ATP6V1E2: variants seen among roughly 807,000 people sequenced by gnomAD.
The protein encoded by ATP6V1E2 is V-type proton ATPase subunit E 2.
For synonymous variants in ATP6V1E2, 121 were observed against 104.2 expected (o/e 1.16, Z -0.98); for missense variants, 308 against 273.3 (o/e 1.13, Z -0.90).
At chr2:46,520,753 T>C (rs1392707587) in intron 4 of ATP6V1E2, among the ~76,000 whole-genome samples, 1 of 152,252 alleles carries the variant, frequency 6.6e-6, no homozygotes, top group African/African-American at 2.4e-5. Flanking sequence ...AGGAAACTTC[T>C]TTGAAAATGA....
chr2:46,537,813 C>G (rs964671320), intron 2 of ATP6V1E2, among the ~76,000 whole-genome samples: 1 of 152,056 alleles, frequency 6.6e-6, no homozygotes, highest in African/African-American at 2.4e-5. Context: ...CAAAATGATG[C>G]AAATGAATGT....
Position 46,512,501 on chromosome 2 carries a change from G to C in ATP6V1E2, c.211C>G (p.Leu71Val). The change falls in exon 5 of 5, where the codon CTG (leucine) becomes GTG (valine). Residue 71 changes from leucine to valine, a missense_variant. Leu to Val is a conservative substitution (Grantham distance 32, BLOSUM62 1). Coordinates refer to ENST00000522587, the MANE Select transcript of ATP6V1E2 (RefSeq NM_001318063.2). Reference protein sequence around the residue: ...EKQIEQQKKILMSTMRNQARL... With the variant: ...EKQIEQQKKIVMSTMRNQARL... Reference sequence around the variant, plus strand: ...GCCTGATTCCTCATGGTGGACATCAGGATTTTCTTCTGCTGCTCTATCTGC... The same window carrying C: ...GCCTGATTCCTCATGGTGGACATCACGATTTTCTTCTGCTGCTCTATCTGC... The C allele has an allele frequency of 1.2e-6, 2 of 1,614,166 alleles. No individual in the cohort carries two copies. The highest frequency in any genetic ancestry group is 1.7e-6 in the Non-Finnish European group (2 of 1,180,042).
intron 4 of ATP6V1E2, among the ~76,000 whole-genome samples, chr2:46,522,129 T>A (rs1319987403): frequency 6.7e-6 from 1 of 149,756 alleles, no homozygotes; most frequent in Non-Finnish European, 1.5e-5. Context: ...CTCTACAAAT[T>A]TTTTTTTTTA....
In ATP6V1E2 at chr2:46,535,421, G is replaced by A. The variant is rs568320526; in HGVS notation, c.-102+392C>T. On this transcript the variant is annotated intron_variant, in intron 4 of 4. Coordinates refer to ENST00000522587, the MANE Select transcript of ATP6V1E2 (RefSeq NM_001318063.2). This position sits in a 1 kb window ranked among gnomAD's most constrained non-coding sequence, Gnocchi z 4.4. ...ATTAAACAGAAAGAAATCTTAAAAG[G>A]ATCACAGGCAGGTCACAGGATTTAG... is the stretch of plus-strand genomic sequence containing the variant. 4 of 152,308 alleles carry A rather than the reference G, an allele frequency of 2.6e-5. No homozygotes were observed. In the East Asian group the frequency reaches 7.7e-4, roughly 29 times the overall value. The allele number at this position is 152,308 out of a possible 1,614,324, so 9.4% of individuals were successfully genotyped here.
chr2:46,512,565 T>C lies in ATP6V1E2; in HGVS notation c.147A>G (p.Gln49=). 4 of 1,614,238 alleles carry C rather than the reference T, an allele frequency of 2.5e-6. No individual in the cohort carries two copies. The highest frequency in any genetic ancestry group is 1.1e-5 in the South Asian group (1 of 91,088). Residue 49 remains glutamine (Q), a synonymous_variant, in exon 5 of 5, where the codon CAA becomes CAG. Coordinates refer to ENST00000522587, the MANE Select transcript of ATP6V1E2 (RefSeq NM_001318063.2). The part of the protein sequence containing the change: ...NIEKGRLVQT[Q]RLKIMEYYEK... ...CATAATACTCCATAATCTTCAGTCG[T>C]TGGGTTTGCACGAGGCGTCCTTTCT...
intron 4 of ATP6V1E2, 39 bp from the exon 5 acceptor site, chr2:46,512,851 G>C: frequency 1.4e-6 from 1 of 721,538 alleles, no homozygotes; most frequent in African/African-American, 1.8e-5. Flanking sequence ...GAAAGTCAGA[G>C]GCTATAGAGG....
intron 4 of ATP6V1E2, among the ~76,000 whole-genome samples, chr2:46,516,038 G>C (rs1687697388): frequency 6.6e-6 from 1 of 152,124 alleles, no homozygotes; most frequent in South Asian, 2.1e-4. Context: ...AGCAAGCATT[G>C]ACAGAACCAA....
At position 46,541,456 on chromosome 2, in the gene ATP6V1E2, G is replaced by A. The variant is rs1021351753; in HGVS notation, c.-373-3C>T. On this transcript the variant is annotated splice_polypyrimidine_tract_variant and splice_region_variant and intron_variant, in intron 1 of 4. Transcript: ENST00000522587. ...CGGAGTTTGAGAGTTCAGGCCTCCT[G>A]GATAGTGAGGAACGGGAATACAACA... The A allele has an allele frequency of 1.3e-5, 2 of 152,208 alleles. No individual in the cohort carries two copies. The highest frequency in any genetic ancestry group is 4.8e-5 in the African/African-American group (2 of 41,432). The allele number at this position is 152,208 out of a possible 1,614,324, so 9.4% of individuals were successfully genotyped here.
At chr2:46,514,654 A>G (rs1203631400) in intron 4 of ATP6V1E2, among the ~76,000 whole-genome samples, 1 of 152,168 alleles carries the variant, frequency 6.6e-6, no homozygotes, top group Non-Finnish European at 1.5e-5. Flanking sequence ...AGCCTAAGAG[A>G]CTTACAGGAC....
intron 4 of ATP6V1E2, among the ~76,000 whole-genome samples, chr2:46,514,693 T>G (rs1222139922): frequency 6.6e-6 from 1 of 152,108 alleles, no homozygotes; most frequent in Non-Finnish European, 1.5e-5. Flanking sequence ...ATATGCATTA[T>G]GGGAGTCTCA....
chr2:46,531,043 G>A (rs1029494485), intron 4 of ATP6V1E2, among the ~76,000 whole-genome samples: 8 of 152,128 alleles, frequency 5.3e-5, no homozygotes, highest in Middle Eastern at 3.4e-3. Context: ...TTGAAATTGA[G>A]GTGAATTTAA....
In ATP6V1E2 at chr2:46,514,483, A is replaced by T. The variant is rs566106094; in HGVS notation, c.-101-1671T>A. Among the ~76,000 whole-genome samples, 283 of 152,246 alleles carry T rather than the reference A, an allele frequency of 1.9e-3. 9 individuals are homozygous for T. In the South Asian group the frequency reaches 0.055, roughly 30 times the overall value. On this transcript the variant is annotated intron_variant, in intron 4 of 4. Coordinates refer to ENST00000522587, the MANE Select transcript of ATP6V1E2 (RefSeq NM_001318063.2). The stretch of plus-strand genomic sequence containing the variant: ...CAAAAGAGATATAGAAAATATGAAA[A>T]AGAACCAAACAAATTTTGGAGCTGA...
intron 4 of ATP6V1E2, among the ~76,000 whole-genome samples, chr2:46,525,366 G>C (rs1666852239): frequency 6.6e-6 from 1 of 151,244 alleles, no homozygotes; most frequent in Non-Finnish European, 1.5e-5. Flanking sequence ...GGAGGCTGAG[G>C]CAGGAGAATG....
At chr2:46,519,371 A>C (rs889653440) in intron 4 of ATP6V1E2, 1 of 152,200 alleles carries the variant, frequency 6.6e-6, no homozygotes, top group South Asian at 2.1e-4. Flanking sequence ...CGTGAAGCCA[A>C]ATCTGAAGGT....
At chr2:46,528,447 T>C (rs1023590063) in intron 4 of ATP6V1E2, among the ~76,000 whole-genome samples, 5 of 152,236 alleles carry the variant, frequency 3.3e-5, no homozygotes, top group African/African-American at 9.6e-5. Flanking sequence ...TCTGGCTGCA[T>C]GGCATATGAG....
Position 46,530,674 on chromosome 2 carries a change from G to C in ATP6V1E2, c.-102+5139C>G, listed in dbSNP as rs981370216. ...ACACTGCGAATAAAGACATAACCAG[G>C]ACTGGGTAATATATAAAGGAAAGAG... On this transcript the variant is annotated intron_variant, in intron 4 of 4. Transcript: ENST00000522587. The surrounding 1 kb of genome is among the most constrained non-coding windows in gnomAD (Gnocchi z 5.2). Among the ~76,000 whole-genome samples the C allele has an allele frequency of 6.6e-6, 1 of 152,112 alleles. No individual in the cohort carries two copies. The highest frequency in any genetic ancestry group is 2.4e-5 in the African/African-American group (1 of 41,412).
chr2:46,541,588 C>A (rs1380503371), intron 1 of ATP6V1E2, 135 bp from the exon 2 acceptor site: 1 of 152,278 alleles, frequency 6.6e-6, no homozygotes, highest in African/African-American at 2.4e-5. Context: ...TTCCCTACAA[C>A]CTAAGGGTGA....
intron 4 of ATP6V1E2, among the ~76,000 whole-genome samples, chr2:46,533,338 A>G (rs1376277166): frequency 6.6e-6 from 1 of 152,062 alleles, no homozygotes; most frequent in African/African-American, 2.4e-5. Flanking sequence ...CAGTGGCATG[A>G]TCTCAGCTCA....
rs1166308263 is a variant in ATP6V1E2, at chr2:46,523,056, G to A, written c.-101-10244C>T. Among the ~76,000 whole-genome samples, 5 of 151,982 alleles carry A rather than the reference G, an allele frequency of 3.3e-5. No individual in the cohort carries two copies. In the East Asian group the frequency reaches 7.7e-4, roughly 23 times the overall value. On this transcript the variant is annotated intron_variant, in intron 4 of 4. Coordinates refer to ENST00000522587, the MANE Select transcript of ATP6V1E2 (RefSeq NM_001318063.2). ...AAATGTCTTCTTTTGAGAAATGTCT[G>A]TTCATATCCTTTGCCCACTTTTTGA...
Sources: gnomAD v4.1 joint callset for allele counts (sites outside exome capture counted in the v4.1 genomes callset) on GRCh38, gnomAD v4.1.1 for gene constraint, Gnocchi (gnomAD v3.1) non-coding constraint, MANE v1.5 for transcripts, NCBI Gene and HGNC (gene_info 2026-07-23, HGNC 2026-07-21) for gene names.